The following DNAH10 variants were observed in gnomAD, a reference collection of about 807,000 sequenced individuals.
DNAH10 encodes dynein axonemal heavy chain 10.
DNAH10 carries 348 observed loss-of-function variants against 506.6 expected under a neutral mutation model. The ratio of observed to expected loss-of-function variants is 0.69; its 90% CI spans 0.63 to 0.75. The LOEUF is 0.75. DNAH10 is among the 30% of genes least tolerant of loss of function. The pLI, the probability that DNAH10 is intolerant of heterozygous loss-of-function variation, is 0.00. For synonymous variants in DNAH10, 2,059 were observed against 2,198.6 expected, an observed-to-expected ratio of 0.94 and a Z score of 1.78; for missense variants, 5,179 against 5,787.1, an observed-to-expected ratio of 0.89 and a Z score of 3.41.
intron 57 of DNAH10, chr12:123,908,369 C>A (rs927205188): frequency 6.6e-6 from 3 of 456,112 alleles, no homozygotes; most frequent in Non-Finnish European, 1.3e-5. Flanking sequence ...GCCTGGGCCC[C>A]TGCCTGGCCG....
chr12:123,904,566 T>C (rs1953688227), intron 57 of DNAH10, among the ~76,000 whole-genome samples: 1 of 152,012 alleles, frequency 6.6e-6, no homozygotes, highest in Non-Finnish European at 1.5e-5. Flanking sequence ...GTGGCATGTG[T>C]CCCCTGCAGT....
Position 123,924,394 on chromosome 12 carries a change from C to T in DNAH10, c.11728C>T (p.Pro3910Ser). The T allele has an allele frequency of 1.2e-6, 2 of 1,613,754 alleles. No homozygotes were observed. Among genetic ancestry groups the T allele is most frequent in the Admixed American group, 3.3e-5 (2 of 60,010 alleles). The change falls in exon 67 of 79, where the codon CCT (proline) becomes TCT (serine). Residue 3910 changes from proline to serine, a missense_variant. This residue lies in a region of DNAH10 where 4,844 missense variants were observed against 5,430.5 expected (regional missense o/e 0.89). Coordinates refer to ENST00000673944, the MANE Select transcript of DNAH10 (RefSeq NM_001372106.1). ...GTTTTCAGACAACTTTGGGCAACTT[C>T]CTGATGATGTTGAGAATAATCAGAC... ...EMFSDNFGQLPDDVENNQTVW... is the reference protein window; with the variant it reads ...EMFSDNFGQLSDDVENNQTVW...
intron 69 of DNAH10, chr12:123,927,395 C>T (rs1042634512): frequency 8.1e-5 from 13 of 160,290 alleles, no homozygotes; most frequent in African/African-American, 2.9e-4. Context: ...CAGTCCTTAC[C>T]TTCCTTAGTC....
In DNAH10 at chr12:123,846,211, C is replaced by A; in HGVS notation, c.5814+57C>A. The A allele has an allele frequency of 6.4e-7, 1 of 1,559,590 alleles. No homozygotes were observed. The highest frequency in any genetic ancestry group is 8.7e-7 in the Non-Finnish European group (1 of 1,153,136). ...CTTACCTTGGGGCGGGGCATTTTCT[C>A]TAAGCTTGAGGTGTGATGACTGCAG... On this transcript the variant is annotated intron_variant, in intron 32 of 78. Transcript: ENST00000673944. This position sits in a 1 kb window ranked among gnomAD's most constrained non-coding sequence, Gnocchi z 4.5.
chr12:123,824,660 C>A (rs993370817), intron 24 of DNAH10, among the ~76,000 whole-genome samples: 13 of 152,180 alleles, frequency 8.5e-5, no homozygotes, highest in Admixed American at 6.5e-4. Context: ...GAAGAGGCTT[C>A]TTCTTGCCTC....
intron 73 of DNAH10, among the ~76,000 whole-genome samples, 167 bp downstream of exon 73, chr12:123,930,740 A>C (rs1955166798): frequency 6.6e-6 from 1 of 152,264 alleles, no homozygotes; most frequent in South Asian, 2.1e-4. Context: ...GCTGACTGAT[A>C]GAGTTCAGAT....
intron 4 of DNAH10, 41 bp from the exon 5 acceptor site, chr12:123,774,108 C>T (rs775037447): frequency 1.1e-5 from 15 of 1,314,862 alleles, no homozygotes; most frequent in Non-Finnish European, 1.3e-5. Context: ...GTTGGCTGCT[C>T]TCTCCCACTG....
In DNAH10 at chr12:123,879,382, C is replaced by T. The variant is rs750542342; in HGVS notation, c.8466+25C>T. On this transcript the variant is annotated intron_variant, in intron 49 of 78. Transcript: ENST00000673944. Reference sequence around the variant, plus strand: ...GGTCAGTACATCCAATGCTTCTTCTCAGGAAATTCTTCTCAGGAAAATAAA... The same window carrying T: ...GGTCAGTACATCCAATGCTTCTTCTTAGGAAATTCTTCTCAGGAAAATAAA... 5.8e-6 allele frequency: 9 copies of T among 1,547,946 alleles called. No homozygotes were observed. The South Asian group carries it at 8.4e-5, about 14-fold the overall frequency.
In DNAH10 at chr12:123,813,625, C is replaced by T. The variant is rs1959029659; in HGVS notation, c.3606C>T (p.Leu1202=). The part of the protein sequence containing the change: ...NESAKEELYN[L]HEEMEHLAKN... ...CAGCAAAAGAGGAGCTCTATAATCTCCATGAAGAGATGGAGGTACTCAATC... is the reference window on the plus strand; with the variant it reads ...CAGCAAAAGAGGAGCTCTATAATCTTCATGAAGAGATGGAGGTACTCAATC... Residue 1202 remains leucine (L), a synonymous_variant, in exon 20 of 79, where the codon CTC becomes CTT. Transcript: ENST00000673944. The T allele has an allele frequency of 1.2e-6, 2 of 1,613,990 alleles. No homozygotes were observed. Among genetic ancestry groups the T allele is most frequent in the African/African-American group, 1.3e-5 (1 of 74,928 alleles).
intron 19 of DNAH10, among the ~76,000 whole-genome samples, chr12:123,812,149 G>A (rs542959869): frequency 2.6e-5 from 4 of 152,088 alleles, no homozygotes; most frequent in African/African-American, 7.2e-5. Flanking sequence ...TATGACTCAC[G>A]CTTGATTAAA....
In DNAH10 at chr12:123,774,204, A is replaced by T. The variant is rs749495763; in HGVS notation, c.561A>T (p.Thr187=). The change falls in exon 5 of 79, where the codon ACA becomes ACT. Residue 187 remains threonine (T), a synonymous_variant. Transcript: ENST00000673944. ...MKEAMEIMPE[T]LEYGIINANV... is the part of the protein sequence containing the mutation. ...AAGCTATGGAAATTATGCCAGAAAC[A>T]CTGGAGTATGGAATTATAAACGCTA... 26 of 1,612,110 alleles carry T rather than the reference A, an allele frequency of 1.6e-5. No homozygotes were observed. Among genetic ancestry groups the T allele is most frequent in the Non-Finnish European group, 2.0e-5 (23 of 1,179,468 alleles).
Position 123,803,853 on chromosome 12 carries a change from T to G in DNAH10, c.2779+28T>G, listed in dbSNP as rs773444987. The G allele has an allele frequency of 1.9e-6, 3 of 1,595,576 alleles. No homozygotes were observed. In the South Asian group the frequency reaches 3.4e-5, roughly 18 times the overall value. ...AGATCTGACTTCTGGGTTCTCCAGT[T>G]ATGGAATTAATGAGAACATATATTG... On this transcript the variant is annotated intron_variant, in intron 17 of 78. Transcript: ENST00000673944.
intron 33 of DNAH10, 49 bp downstream of exon 33, chr12:123,848,144 T>C: frequency 6.3e-7 from 1 of 1,583,594 alleles, no homozygotes; most frequent in Non-Finnish European, 8.6e-7. Flanking sequence ...GCAGAGAGCT[T>C]AAAGCAGGAC....
At chr12:123,815,981 T>G (rs1207662869) in intron 21 of DNAH10, among the ~76,000 whole-genome samples, 1 of 152,206 alleles carries the variant, frequency 6.6e-6, no homozygotes, top group Non-Finnish European at 1.5e-5. Context: ...ATGCAATCAA[T>G]TTTTGGCCCA....
chr12:123,902,764 A>ATG lies in DNAH10; in HGVS notation c.9641-174_9641-173dup, dbSNP rs2137290532. Among the ~76,000 whole-genome samples, 1 of 152,278 alleles carries ATG rather than the reference A, an allele frequency of 6.6e-6. No homozygotes were observed. The highest frequency in any genetic ancestry group is 1.9e-4 in the East Asian group (1 of 5,172). On this transcript the variant is annotated intron_variant, in intron 56 of 78. Transcript: ENST00000673944. The surrounding 1 kb of genome is among the most constrained non-coding windows in gnomAD (Gnocchi z 4.5). ...CTGCCTAGTGCTGGAGGCCCCACGCATGGTGAGGTTTTCTGTCCCACCAGG... is the reference window on the plus strand; with the variant it reads ...CTGCCTAGTGCTGGAGGCCCCACGCATGTGGTGAGGTTTTCTGTCCCACCAGG...
intron 17 of DNAH10, 49 bp downstream of exon 17, chr12:123,803,874 T>C (rs372028323): frequency 8.7e-5 from 135 of 1,547,802 alleles, no homozygotes; most frequent in Middle Eastern, 3.7e-4. Flanking sequence ...TGAGAACATA[T>C]ATTGTATATA....
chr12:123,872,260 C>G (rs1374684784), intron 45 of DNAH10, among the ~76,000 whole-genome samples: 1 of 152,006 alleles, frequency 6.6e-6, no homozygotes, highest in Non-Finnish European at 1.5e-5. Flanking sequence ...GTGCACAGGA[C>G]AAGTGATAGT....
chr12:123,813,072 CT>C (rs1317860463), intron 19 of DNAH10, 91 bp from the exon 20 acceptor site: 1 of 846,452 alleles, frequency 1.2e-6, no homozygotes, highest in African/African-American at 1.7e-5. Context: ...TTTTCCATTA[CT>C]GGCAAGACTT....
Position 123,916,862 on chromosome 12 carries a change from C to T in DNAH10, c.11002+126C>T. The T allele has an allele frequency of 8.3e-7, 1 of 1,201,142 alleles. No homozygotes were observed. The highest frequency in any genetic ancestry group is 1.1e-6 in the Non-Finnish European group (1 of 881,328). The allele number at this position is 1,201,142 out of a possible 1,614,324, so 74.4% of individuals were successfully genotyped here. A position where few individuals can be genotyped will look rare whatever the true frequency, so the allele number is the denominator to read the frequency against. ...CCAGATCATTCTCTCATAGGCACAT[C>T]TGGACTAGTCAGCTCTTACCAATTA... On this transcript the variant is annotated intron_variant, in intron 63 of 78. Transcript: ENST00000673944. The surrounding 1 kb of genome is among the most constrained non-coding windows in gnomAD (Gnocchi z 4.6).
Sources: gnomAD v4.1 joint callset for allele counts (sites outside exome capture counted in the v4.1 genomes callset) on GRCh38, gnomAD v4.1.1 for gene constraint, gnomAD v4.1.1 regional missense constraint, Gnocchi (gnomAD v3.1) non-coding constraint, MANE v1.5 for transcripts, NCBI Gene and HGNC (gene_info 2026-07-23, HGNC 2026-07-21) for gene names.